Variants in TMTC3 observed in about 807,000 individuals in gnomAD.
TMTC3 encodes the protein protein O-mannosyl-transferase TMTC3.
Under a neutral mutation model 92.2 loss-of-function variants are expected in TMTC3, and 52 were observed. The observed-to-expected ratio is 0.56, with a 90% confidence interval of 0.45 to 0.71. The LOEUF (loss-of-function observed/expected upper bound fraction) is 0.71, where lower values mean the gene tolerates loss of function less well. Among genes scored for constraint, TMTC3 ranks in the 30% least tolerant of loss-of-function variants. The probability of loss-of-function intolerance (pLI) is 0.00; values close to 1 mark genes in which losing one functional copy is unlikely to be tolerated. For missense variants in TMTC3, 896 were observed against 1,057.1 expected (o/e 0.85, Z 2.11); for synonymous variants, 339 against 363.3 (o/e 0.93, Z 0.76).
chr12:88,146,351 T>A (rs939935207), intron 1 of TMTC3, among the ~76,000 whole-genome samples: 1 of 152,104 alleles, frequency 6.6e-6, no homozygotes, highest in Non-Finnish European at 1.5e-5. Flanking sequence ...ACGCACTAAA[T>A]AGAGCCTTAT....
At chr12:88,144,390 T>C (rs1279353166) in intron 1 of TMTC3, among the ~76,000 whole-genome samples, 1 of 152,012 alleles carries the variant, frequency 6.6e-6, no homozygotes, top group Non-Finnish European at 1.5e-5. Context: ...GTCTGTTTTC[T>C]CTAACACCTT....
intron 1 of TMTC3, among the ~76,000 whole-genome samples, chr12:88,146,853 C>T (rs1300312753): frequency 6.7e-6 from 1 of 150,086 alleles, no homozygotes; most frequent in Non-Finnish European, 1.5e-5. Context: ...TACTTTTCAA[C>T]TATAGTTGTG....
At chr12:88,168,351 T>A (rs2041168750) in intron 7 of TMTC3, among the ~76,000 whole-genome samples, 1 of 143,184 alleles carries the variant, frequency 7.0e-6, no homozygotes, top group Non-Finnish European at 1.5e-5. Flanking sequence ...AATTTAACTT[T>A]GACTGTTTCA....
At position 88,199,052 on chromosome 12, in the gene TMTC3, T is replaced by TC. The variant is rs1219758516; in HGVS notation, c.*3403_*3404insC. 2 of 32,000 alleles carry TC rather than the reference T, an allele frequency of 6.3e-5. No homozygotes were observed. The highest frequency in any genetic ancestry group is 9.8e-5 in the African/African-American group (2 of 20,330). 2.0% of individuals were successfully genotyped at this position (32,000 alleles called of 1,614,324 possible). Reference sequence around the variant, plus strand: ...CCATAACCTGGCTTGCCTTTTAGTGTTAAAAAAATACAACATTGTATATAG... The same window carrying TC: ...CCATAACCTGGCTTGCCTTTTAGTGTCTAAAAAAATACAACATTGTATATAG... On this transcript the variant is annotated 3_prime_UTR_variant, in exon 14 of 14. Coordinates refer to ENST00000266712, the MANE Select transcript of TMTC3 (RefSeq NM_181783.4).
At chr12:88,171,712 G>T (rs2041207106) in intron 7 of TMTC3, among the ~76,000 whole-genome samples, 1 of 152,050 alleles carries the variant, frequency 6.6e-6, no homozygotes, top group Non-Finnish European at 1.5e-5. Flanking sequence ...ATTTCCTTTG[G>T]ATCTATACCC....
chr12:88,197,063 A>G lies in TMTC3; in HGVS notation c.*1414A>G, dbSNP rs2041521575. ...TGAAAGCTCTGGCTATCATCCTGGG[A>G]TAGTAATTTCTAATTATATAGTATT... On this transcript the variant is annotated 3_prime_UTR_variant, in exon 14 of 14. Coordinates refer to ENST00000266712, the MANE Select transcript of TMTC3 (RefSeq NM_181783.4). 1 of 152,078 alleles carries G rather than the reference A, an allele frequency of 6.6e-6. No individual in the cohort carries two copies. The highest frequency in any genetic ancestry group is 2.1e-4 in the South Asian group (1 of 4,820). 9.4% of individuals were successfully genotyped at this position (152,078 alleles called of 1,614,324 possible).
chr12:88,161,011 A>G (rs1300338716), intron 6 of TMTC3, among the ~76,000 whole-genome samples, 160 bp downstream of exon 6: 1 of 152,112 alleles, frequency 6.6e-6, no homozygotes, highest in East Asian at 1.9e-4. Context: ...TTATGTACTG[A>G]TAATTTTTGA....
At chr12:88,185,668 C>T (rs2041369104) in intron 10 of TMTC3, among the ~76,000 whole-genome samples, 1 of 149,438 alleles carries the variant, frequency 6.7e-6, no homozygotes, top group Non-Finnish European at 1.5e-5. Context: ...AAATTATGTT[C>T]CAAAAAATGT....
intron 6 of TMTC3, among the ~76,000 whole-genome samples, chr12:88,162,304 T>G (rs531582358): frequency 2.1e-4 from 32 of 152,332 alleles, no homozygotes; most frequent in African/African-American, 7.0e-4. Context: ...TTATGTTTCT[T>G]GTGCTTAGGT....
chr12:88,194,812 A>G (rs1201021068), intron 13 of TMTC3, 26 bp from the exon 14 acceptor site: 1 of 1,405,402 alleles, frequency 7.1e-7, no homozygotes, highest in Non-Finnish European at 9.5e-7. Flanking sequence ...TTAACAATAT[A>G]TTTTTTCTTT....
At chr12:88,184,816 C>G (rs1471259480) in intron 10 of TMTC3, among the ~76,000 whole-genome samples, 1 of 151,978 alleles carries the variant, frequency 6.6e-6, no homozygotes, top group African/African-American at 2.4e-5. Flanking sequence ...TATATATACA[C>G]ACACACATAT....
At chr12:88,186,868 T>A (rs1291113785) in intron 10 of TMTC3, among the ~76,000 whole-genome samples, 1 of 152,158 alleles carries the variant, frequency 6.6e-6, no homozygotes, top group East Asian at 1.9e-4. Flanking sequence ...TATACTCTAG[T>A]GTCTGAAGTC....
At chr12:88,166,695 C>A in intron 7 of TMTC3, 113 bp downstream of exon 7, 2 of 1,172,762 alleles carry the variant, frequency 1.7e-6, no homozygotes, top group Non-Finnish European at 1.2e-6. Context: ...CTTTGTTCAA[C>A]GGCATCCCAA....
chr12:88,176,281 C>T lies in TMTC3; in HGVS notation c.1394C>T (p.Ala465Val). 1 of 1,611,850 alleles carries T rather than the reference C, an allele frequency of 6.2e-7. No individual in the cohort carries two copies. Among genetic ancestry groups the T allele is most frequent in the Non-Finnish European group, 8.5e-7 (1 of 1,178,846 alleles). ...ALENEKNFER[A>V]LKYFLQATHV... is the part of the protein sequence containing the mutation. ...GAAAATGAAAAGAACTTTGAGAGAGCTTTGAAATACTTCTTACAGGCTACC... is the reference window on the plus strand; with the variant it reads ...GAAAATGAAAAGAACTTTGAGAGAGTTTTGAAATACTTCTTACAGGCTACC... Residue 465 changes from alanine (A) to valine (V), a missense_variant, in exon 10 of 14, where the codon GCT becomes GTT. Ala to Val is a moderately conservative substitution (Grantham distance 64). Coordinates refer to ENST00000266712, the MANE Select transcript of TMTC3 (RefSeq NM_181783.4).
intron 10 of TMTC3, among the ~76,000 whole-genome samples, chr12:88,176,585 A>G (rs1298065903): frequency 6.6e-6 from 1 of 152,080 alleles, no homozygotes; most frequent in Non-Finnish European, 1.5e-5. Context: ...AGCCTAGGCA[A>G]CAAAGCAAGA....
chr12:88,157,813 G>T (rs1315392675), intron 4 of TMTC3, among the ~76,000 whole-genome samples: 1 of 152,084 alleles, frequency 6.6e-6, no homozygotes, highest in Non-Finnish European at 1.5e-5. Flanking sequence ...TAACCACAGT[G>T]ATCTGATTGT....
At chr12:88,171,449 T>C (rs2041203751) in intron 7 of TMTC3, among the ~76,000 whole-genome samples, 1 of 152,136 alleles carries the variant, frequency 6.6e-6, no homozygotes, top group Non-Finnish European at 1.5e-5. Flanking sequence ...AGTGAGATCA[T>C]GCGTTGTTTG....
intron 10 of TMTC3, among the ~76,000 whole-genome samples, chr12:88,182,521 T>C (rs1205513769): frequency 6.6e-6 from 1 of 152,180 alleles, no homozygotes; most frequent in East Asian, 1.9e-4. Flanking sequence ...TAATTTAACC[T>C]TTTGAGGTCT....
At chr12:88,153,004 T>C (rs1380636345) in intron 2 of TMTC3, among the ~76,000 whole-genome samples, 3 of 152,268 alleles carry the variant, frequency 2.0e-5, no homozygotes, top group African/African-American at 7.2e-5. Context: ...TTTTTAAAAT[T>C]GTTATATTGA....
Sources: gnomAD v4.1 joint callset for allele counts (sites outside exome capture counted in the v4.1 genomes callset) on GRCh38, gnomAD v4.1.1 for gene constraint, MANE v1.5 for transcripts, NCBI Gene and HGNC (gene_info 2026-07-23, HGNC 2026-07-21) for gene names.